The following ZC3H13 variants were observed in gnomAD, a reference collection of about 807,000 sequenced individuals.
ZC3H13 encodes zinc finger CCCH-type containing 13, also known as zinc finger CCCH domain-containing protein 13.
A neutral mutation model predicts 204.1 loss-of-function variants in ZC3H13; 64 were observed. The observed-to-expected ratio is 0.31, with a 90% CI of 0.26 to 0.39. The LOEUF is 0.39. ZC3H13 is among the 10% of genes least tolerant of loss of function. ZC3H13 has a pLI of 1.00. For missense variants in ZC3H13, 1,833 were observed against 2,082.7 expected, an observed-to-expected ratio of 0.88 and a Z score of 2.33; for synonymous variants, 667 against 693.7, an observed-to-expected ratio of 0.96 and a Z score of 0.60.
rs200763938 is a variant in ZC3H13 at position 45,988,867 on chromosome 13, C to A, written c.1175G>T (p.Arg392Leu). ...TCTCCCTTTCTCTCGCATTGGAGAG[C>A]GATGTCTTGGAGGACTCTGCTTTCT... ...PQRKQSPPRHRSPMREKGRHD... is the reference protein window; with the variant it reads ...PQRKQSPPRHLSPMREKGRHD... The change falls in exon 9 of 19, where the codon CGC (arginine) becomes CTC (leucine). Residue 392 changes from arginine to leucine, a missense_variant. Arg to Leu is a moderately radical substitution (Grantham distance 102). Coordinates refer to ENST00000679008, the MANE Select transcript of ZC3H13 (RefSeq NM_001330564.2). 3 of 1,614,024 alleles carry A rather than the reference C, an allele frequency of 1.9e-6. No individual in the cohort carries two copies. Among genetic ancestry groups the A allele is most frequent in the African/African-American group, 2.7e-5 (2 of 74,894 alleles).
rs1291116358 is a variant in ZC3H13 at position 45,970,367 on chromosome 13, T to G, written c.2567A>C (p.Asp856Ala). Reference protein sequence around the residue: ...PDSDAYNSGDDKNEKHRLLSQ... With the variant: ...PDSDAYNSGDAKNEKHRLLSQ... ...AGAAAACAGAGTCTGCTTACTTTTA[T>G]CATCTCCACTGTTGTAGGCATCACT... Residue 856 changes from aspartate to alanine, a missense_variant, in exon 13 of 19, where the codon GAT (aspartate) becomes GCT (alanine). By Grantham distance (126) the Asp-to-Ala change is moderately radical. Around this residue, in one of 5 missense-constraint regions of ZC3H13, gnomAD observed 1,574 missense variants for 1,757.2 expected, o/e 0.90. Coordinates refer to ENST00000679008, the MANE Select transcript of ZC3H13 (RefSeq NM_001330564.2). 6.2e-7 allele frequency: 1 copy of G among 1,613,562 alleles called. No individual in the cohort carries two copies. The highest frequency in any genetic ancestry group is 1.7e-5 in the Admixed American group (1 of 59,970).
rs972656296 is a variant in ZC3H13, at chr13:46,025,843, C to T, written c.340-5286G>A. 5.3e-5 allele frequency among the ~76,000 whole-genome samples: 8 copies of T among 151,206 alleles called. No homozygotes were observed. In the South Asian group the frequency reaches 6.2e-4, roughly 12 times the overall value. On this transcript the variant is annotated intron_variant, in intron 4 of 18. Transcript: ENST00000679008. The stretch of plus-strand genomic sequence containing the variant: ...TTAATTTTAAAAAGATTAGGGTTTT[C>T]GACCTTAATGTTTTCAAACCTTTAT...
chr13:46,001,424 T>C (rs1484022547), intron 8 of ZC3H13: 1 of 152,176 alleles, frequency 6.6e-6, no homozygotes, highest in Non-Finnish European at 1.5e-5. Flanking sequence ...GGTATTTACA[T>C]AATCTTCCAG....
At chr13:46,030,894 G>A (rs1191180647) in intron 4 of ZC3H13, among the ~76,000 whole-genome samples, 1 of 152,242 alleles carries the variant, frequency 6.6e-6, no homozygotes, top group Admixed American at 6.5e-5. Flanking sequence ...TAGATTAAAT[G>A]TAATCCCCAC....
intron 17 of ZC3H13, 81 bp from the exon 18 acceptor site, chr13:45,959,727 A>C: frequency 7.4e-7 from 1 of 1,354,696 alleles, no homozygotes; most frequent in East Asian, 2.8e-5. Flanking sequence ...TATTCTACAA[A>C]TTTTATACTT....
Position 46,014,517 on chromosome 13 carries a change from T to C in ZC3H13, c.449-2963A>G, listed in dbSNP as rs118129576. On this transcript the variant is annotated intron_variant, in intron 5 of 18. Coordinates refer to ENST00000679008, the MANE Select transcript of ZC3H13 (RefSeq NM_001330564.2). ...TGTGAATTGCCTTGTTACATCATGC[T>C]AATTATATTTAACCTTTTTCCAATG... is the stretch of plus-strand genomic sequence containing the variant. 2.9e-3 allele frequency among the ~76,000 whole-genome samples: 449 copies of C among 152,362 alleles called. 8 individuals carry two copies. The highest frequency in any genetic ancestry group is 0.025 in the East Asian group (128 of 5,190).
At chr13:46,017,506 GC>G (rs1593694965) in intron 5 of ZC3H13, among the ~76,000 whole-genome samples, 1 of 65,106 alleles carries the variant, frequency 1.5e-5, no homozygotes, top group East Asian at 5.6e-4. Flanking sequence ...ATTATTTTTT[GC>G]TTTGCAAAAT....
At chr13:45,996,941 C>G (rs2040382181) in intron 8 of ZC3H13, among the ~76,000 whole-genome samples, 1 of 152,202 alleles carries the variant, frequency 6.6e-6, no homozygotes, top group Non-Finnish European at 1.5e-5. Context: ...TTTCTGGCAT[C>G]TACTGGGGGT....
intron 11 of ZC3H13, 90 bp from the exon 12 acceptor site, chr13:45,975,928 T>C (rs1953007519): frequency 4.6e-6 from 5 of 1,092,432 alleles, no homozygotes; most frequent in South Asian, 3.4e-5. Context: ...TTATCTGTGA[T>C]AGGGTCACAC....
intron 1 of ZC3H13, among the ~76,000 whole-genome samples, chr13:46,051,698 C>A (rs2044433114): frequency 6.6e-6 from 1 of 152,118 alleles, no homozygotes; most frequent in South Asian, 2.1e-4. Flanking sequence ...TTCATACTCC[C>A]ATAATTTTCA....
intron 7 of ZC3H13, among the ~76,000 whole-genome samples, chr13:46,006,821 T>C (rs565769177): frequency 6.8e-6 from 1 of 147,490 alleles, no homozygotes; most frequent in Non-Finnish European, 1.5e-5. Flanking sequence ...CATCCCTATG[T>C]CTTATTATCA....
At chr13:46,034,224 C>G (rs1168342048) in intron 4 of ZC3H13, among the ~76,000 whole-genome samples, 2 of 152,142 alleles carry the variant, frequency 1.3e-5, no homozygotes, top group Admixed American at 1.3e-4. Context: ...ACAACCACTT[C>G]AGAAAACTGT....
chr13:46,014,468 T>C (rs568287065), intron 5 of ZC3H13, among the ~76,000 whole-genome samples: 24 of 152,312 alleles, frequency 1.6e-4, no homozygotes, highest in African/African-American at 5.5e-4. Context: ...GGTTTATGTA[T>C]AAGGATTAAA....
intron 7 of ZC3H13, among the ~76,000 whole-genome samples, chr13:46,004,664 G>GTT (rs2138545379): frequency 6.6e-6 from 1 of 152,132 alleles, no homozygotes; most frequent in South Asian, 2.1e-4. Flanking sequence ...TGGCTTCCAG[G>GTT]TTTTCATCAT....
At chr13:45,979,183 A>G (rs1447944062) in intron 11 of ZC3H13, among the ~76,000 whole-genome samples, 1 of 152,154 alleles carries the variant, frequency 6.6e-6, no homozygotes, top group Admixed American at 6.6e-5. Flanking sequence ...AGCTTGCCAA[A>G]GAAAGTATTT....
rs554251608 is a variant in ZC3H13 at position 46,013,970 on chromosome 13, AT to A, written c.449-2417del. Among the ~76,000 whole-genome samples the A allele has an allele frequency of 4.4e-4, 67 of 152,136 alleles. No individual in the cohort carries two copies. The East Asian group carries it at 0.011, about 25-fold the overall frequency. On this transcript the variant is annotated intron_variant, in intron 5 of 18. Coordinates refer to ENST00000679008, the MANE Select transcript of ZC3H13 (RefSeq NM_001330564.2). Reference sequence around the variant, plus strand: ...AAAGAAATGAAGAAAGTATACACATATTTTTTCATGTATTCAGGAGCCATTT... The same window carrying A: ...AAAGAAATGAAGAAAGTATACACATATTTTTCATGTATTCAGGAGCCATTT...
chr13:45,959,942 A>T (rs1462356027), intron 17 of ZC3H13, among the ~76,000 whole-genome samples: 2 of 151,724 alleles, frequency 1.3e-5, no homozygotes, highest in African/African-American at 2.4e-5. Context: ...TTTTAATTTT[A>T]AACAATTTAT....
rs145973327 is a variant in ZC3H13, at chr13:45,964,022, C to T, written c.4495G>A (p.Val1499Met). 5.7e-4 allele frequency: 914 copies of T among 1,613,576 alleles called. No individual in the cohort carries two copies. The highest frequency in any genetic ancestry group is 6.8e-4 in the South Asian group (62 of 90,902). ...KMPDPLDVID[V>M]DWSGLMPKHP... ...TTTGGCATAAGACCAGACCAATCCA[C>T]ATCTATCACATCTAAGGGATCTGTA... The change falls in exon 17 of 19, where the codon GTG becomes ATG. Residue 1499 changes from valine (V) to methionine (M), a missense_variant. Around this residue, in one of 5 missense-constraint regions of ZC3H13, gnomAD observed 211 missense variants for 228.4 expected, o/e 0.92. Transcript: ENST00000679008.
Position 46,009,426 on chromosome 13 carries a change from G to A in ZC3H13, c.746+922C>T, listed in dbSNP as rs372115174. On this transcript the variant is annotated intron_variant, in intron 7 of 18. Coordinates refer to ENST00000679008, the MANE Select transcript of ZC3H13 (RefSeq NM_001330564.2). Reference sequence around the variant, plus strand: ...TGTTCACCTGTGTGGGTGGTGGGTAGAAACTACATAAAGTCAATATAGTTA... The same window carrying A: ...TGTTCACCTGTGTGGGTGGTGGGTAAAAACTACATAAAGTCAATATAGTTA... 2.0e-5 allele frequency among the ~76,000 whole-genome samples: 3 copies of A among 152,190 alleles called. No individual in the cohort carries two copies. The East Asian group carries it at 5.8e-4, about 29-fold the overall frequency.
Sources: allele counts gnomAD v4.1 joint callset (sites outside exome capture counted in the v4.1 genomes callset), GRCh38; gene constraint gnomAD v4.1.1; regional missense constraint gnomAD v4.1.1; transcripts MANE v1.5; gene names NCBI Gene and HGNC (gene_info 2026-07-23, HGNC 2026-07-21).